The following COQ10B variants were observed in gnomAD, a reference collection of about 807,000 sequenced individuals.
The protein encoded by COQ10B is coenzyme Q10B.
Under a neutral mutation model 27.6 loss-of-function variants are expected in COQ10B, and 12 were observed. The observed-to-expected ratio is 0.43, with a 90% CI of 0.28 to 0.70. The LOEUF (loss-of-function observed/expected upper bound fraction) is 0.70. Ranked by LOEUF, COQ10B falls within the 30% of genes least tolerant of loss-of-function variation. The probability of loss-of-function intolerance (pLI) is 0.17; values close to 1 mark genes in which losing one functional copy is unlikely to be tolerated. For missense variants in COQ10B, 278 were observed against 288.7 expected (o/e 0.96, Z 0.27); for synonymous variants, 115 against 103.0 (o/e 1.12, Z -0.71).
intron 2 of COQ10B, 131 bp downstream of exon 2, chr2:197,460,212 T>A: frequency 2.5e-6 from 1 of 392,290 alleles, no homozygotes; most frequent in Non-Finnish European, 4.3e-6. Flanking sequence ...GCCTTTTTCT[T>A]TTTTTTTTTT....
chr2:197,458,275 T>C (rs955522109), intron 1 of COQ10B, among the ~76,000 whole-genome samples: 5 of 152,186 alleles, frequency 3.3e-5, no homozygotes, highest in South Asian at 4.1e-4. Context: ...CTAATGCCTA[T>C]GTGTATTAGT....
Position 197,453,587 on chromosome 2 carries a change from C to G in COQ10B, c.27C>G (p.Ala9=), listed in dbSNP as rs1439205414. Residue 9 remains alanine, a synonymous_variant, in exon 1 of 5, where the codon GCC becomes GCG. Coordinates refer to ENST00000263960, the MANE Select transcript of COQ10B (RefSeq NM_025147.5). ...TGGCAGCTCGGACTGGTCATACGGCCTTGAGAAGGGTAGTCTCGGGATGCC... is the reference window on the plus strand; with the variant it reads ...TGGCAGCTCGGACTGGTCATACGGCGTTGAGAAGGGTAGTCTCGGGATGCC... MAARTGHT[A]LRRVVSGCRP... The G allele has an allele frequency of 2.5e-6, 4 of 1,613,922 alleles. No homozygotes were observed. The highest frequency in any genetic ancestry group is 2.7e-5 in the African/African-American group (2 of 74,918).
rs140672711 is a variant in COQ10B at position 197,466,505 on chromosome 2, C to T, written c.448-3565C>T. Among the ~76,000 whole-genome samples the T allele has an allele frequency of 1.1e-3, 172 of 152,280 alleles. 1 individual carries two copies. The highest frequency in any genetic ancestry group is 3.9e-3 in the African/African-American group (161 of 41,554). ...CTGTGGTACTTGAGGGAAGGAGCCC[C>T]TGTCTTTTTCATCTCTGTAACCTCA... On this transcript the variant is annotated intron_variant, in intron 3 of 4. Transcript: ENST00000263960.
chr2:197,466,951 T>G lies in COQ10B; in HGVS notation c.448-3119T>G, dbSNP rs1287165302. On this transcript the variant is annotated intron_variant, in intron 3 of 4. Coordinates refer to ENST00000263960, the MANE Select transcript of COQ10B (RefSeq NM_025147.5). ...TTCCTGGGTTCAGTTTCCAGATTTT[T>G]TTTTTTTTTTTGAGACCAAGTTTCA... Among the ~76,000 whole-genome samples the G allele has an allele frequency of 2.0e-5, 3 of 152,012 alleles. No individual in the cohort carries two copies. The East Asian group carries it at 5.8e-4, about 29-fold the overall frequency.
Position 197,462,666 on chromosome 2 carries a change from G to A in COQ10B, c.382G>A (p.Gly128Arg). The A allele has an allele frequency of 6.2e-7, 1 of 1,604,054 alleles. No individual in the cohort carries two copies. Among genetic ancestry groups the A allele is most frequent in the African/African-American group, 1.3e-5 (1 of 74,616 alleles). The change falls in exon 3 of 5, where the codon GGA becomes AGA. Residue 128 changes from glycine to arginine, a missense_variant. This residue lies in a region of COQ10B where 183 missense variants were observed against 158.2 expected (regional missense o/e 1.16). Transcript: ENST00000263960. ...ATATTGTAAAACAAGATTAGAAATT[G>A]GATTTCCACCTGTGTTGGAGCGATA... ...SGYCKTRLEI[G>R]FPPVLERYTS... is the part of the protein sequence containing the mutation.
chr2:197,470,159 C>T lies in COQ10B; in HGVS notation c.537C>T (p.Thr179=). ...TTCCTGGCTACCCAAGAACTTGTAC[C>T]TTGGATTTTTCAGTAAGTCTCATAA... ...PGLPGYPRTC[T]LDFSISFEFR... The change falls in exon 4 of 5, where the codon ACC becomes ACT. Residue 179 remains threonine, a synonymous_variant. Coordinates refer to ENST00000263960, the MANE Select transcript of COQ10B (RefSeq NM_025147.5). 6.2e-7 allele frequency: 1 copy of T among 1,606,604 alleles called. No homozygotes were observed. The highest frequency in any genetic ancestry group is 1.3e-5 in the African/African-American group (1 of 74,858).
chr2:197,466,681 GA>G (rs1341674477), intron 3 of COQ10B, among the ~76,000 whole-genome samples: 3 of 151,962 alleles, frequency 2.0e-5, no homozygotes, highest in Admixed American at 6.6e-5. Context: ...AACTGTATTA[GA>G]AAAAAAGTAA....
intron 1 of COQ10B, among the ~76,000 whole-genome samples, chr2:197,455,117 G>T (rs541674282): frequency 6.6e-6 from 1 of 151,588 alleles, no homozygotes; most frequent in East Asian, 1.9e-4. Flanking sequence ...ATTGTGTAAG[G>T]GTATTTTTTT....
At chr2:197,458,048 A>G (rs1406543226) in intron 1 of COQ10B, among the ~76,000 whole-genome samples, 2 of 151,430 alleles carry the variant, frequency 1.3e-5, no homozygotes, top group Admixed American at 6.6e-5. Context: ...TCATTGTATT[A>G]TAGAGCCCAA....
intron 3 of COQ10B, among the ~76,000 whole-genome samples, chr2:197,466,273 G>A (rs1316976099): frequency 6.6e-6 from 1 of 152,084 alleles, no homozygotes; most frequent in Non-Finnish European, 1.5e-5. Context: ...TTCCACAGCC[G>A]TGTGCCTTTG....
chr2:197,470,245 A>G (rs1328776246), intron 4 of COQ10B, 74 bp downstream of exon 4: 3 of 786,268 alleles, frequency 3.8e-6, no homozygotes, highest in Non-Finnish European at 6.4e-6. Flanking sequence ...TTTTTAGAAC[A>G]CAGAGGCCAT....
chr2:197,469,870 A>AG (rs905010016), intron 3 of COQ10B, among the ~76,000 whole-genome samples, 200 bp from the exon 4 acceptor site: 4 of 151,888 alleles, frequency 2.6e-5, no homozygotes, highest in Non-Finnish European at 5.9e-5. Context: ...GGATCCCTGC[A>AG]GGAAAAAAAA....
At chr2:197,454,168 A>G (rs1262005393) in intron 1 of COQ10B, 4 of 1,526,642 alleles carry the variant, frequency 2.6e-6, no homozygotes, top group East Asian at 2.5e-5. Flanking sequence ...CAGCCAGCAT[A>G]AGGGACTTGG....
chr2:197,462,503 G>T (rs551994220), intron 2 of COQ10B, 36 bp from the exon 3 acceptor site: 1 of 1,081,046 alleles, frequency 9.3e-7, no homozygotes, highest in African/African-American at 1.6e-5. Context: ...TAACTAGATG[G>T]AGTTAACACC....
chr2:197,453,961 C>T (rs769709730), intron 1 of COQ10B: 4 of 1,550,682 alleles, frequency 2.6e-6, no homozygotes, highest in African/African-American at 2.7e-5. Context: ...GTCTCCTCCC[C>T]TATGGCTTGT....
chr2:197,463,342 C>T (rs1393438161), intron 3 of COQ10B, among the ~76,000 whole-genome samples: 1 of 151,872 alleles, frequency 6.6e-6, no homozygotes, highest in East Asian at 2.0e-4. Flanking sequence ...CGTAGTGGTG[C>T]TTGCCTGTAA....
At chr2:197,470,045 G>T in intron 3 of COQ10B, 25 bp from the exon 4 acceptor site, 1 of 1,431,006 alleles carries the variant, frequency 7.0e-7, no homozygotes, top group Non-Finnish European at 9.8e-7. Context: ...TTTAACTGTG[G>T]TTTTATTTTT....
At chr2:197,462,468 C>A in intron 2 of COQ10B, 71 bp from the exon 3 acceptor site, 2 of 761,092 alleles carry the variant, frequency 2.6e-6, no homozygotes, top group Non-Finnish European at 2.1e-6. Flanking sequence ...TATACATATT[C>A]ACTTTAAAGT....
At chr2:197,473,500 A>ATATACACGTATATATATG (rs2085906568) in intron 4 of COQ10B, among the ~76,000 whole-genome samples, 2 of 143,130 alleles carry the variant, frequency 1.4e-5, no homozygotes, top group South Asian at 2.2e-4. Context: ...ATATACGTAT[A>ATATACACGTATATATATG]TATATACGTA....
Sources: allele counts gnomAD v4.1 joint callset (sites outside exome capture counted in the v4.1 genomes callset), GRCh38; gene constraint gnomAD v4.1.1; regional missense constraint gnomAD v4.1.1; transcripts MANE v1.5; gene names NCBI Gene and HGNC (gene_info 2026-07-23, HGNC 2026-07-21).